GRIK2: variants seen among roughly 807,000 people sequenced by gnomAD.
GRIK2 encodes glutamate ionotropic receptor kainate type subunit 2.
In GRIK2, 32 loss-of-function variants were observed where a neutral mutation model predicts 100.3. The ratio of observed to expected loss-of-function variants is 0.32; its 90% CI spans 0.24 to 0.43. The LOEUF is 0.43. GRIK2 is among the 20% of genes least tolerant of loss of function. GRIK2 has a pLI of 1.00. For missense variants in GRIK2, 843 were observed against 1,114.9 expected, an observed-to-expected ratio of 0.76 and a Z score of 3.47; for synonymous variants, 417 against 389.4, an observed-to-expected ratio of 1.07 and a Z score of -0.83.
At chr6:101,516,084 G>A (rs1437516009) in intron 2 of GRIK2, among the ~76,000 whole-genome samples, 2 of 151,874 alleles carry the variant, frequency 1.3e-5, no homozygotes, top group African/African-American at 4.8e-5. Context: ...ATCTTGAGTT[G>A]AGATGATATA....
intron 2 of GRIK2, among the ~76,000 whole-genome samples, chr6:101,562,726 C>A (rs1419716376): frequency 2.6e-5 from 4 of 152,064 alleles, no homozygotes; most frequent in Non-Finnish European, 5.9e-5. Context: ...GAATGTTCTT[C>A]TGATGATTAA....
rs1777686912 is a variant in GRIK2 at position 101,761,761 on chromosome 6, GCCC to G, written c.952-37884_952-37882del. ...TTACCTAATCAGATTTTACAATAATGCCCCCATTTCCCTCCCTCCCTCCCTCCC... is the reference window on the plus strand; with the variant it reads ...TTACCTAATCAGATTTTACAATAATGCCATTTCCCTCCCTCCCTCCCTCCC... On this transcript the variant is annotated intron_variant, in intron 7 of 16. Transcript: ENST00000369134. Among the ~76,000 whole-genome samples, 3 of 136,194 alleles carry G rather than the reference GCCC, an allele frequency of 2.2e-5. No homozygotes were observed. The Admixed American group carries it at 2.2e-4, about 10-fold the overall frequency. The allele number at this position is 136,194 out of a possible 152,430, so 89.3% of individuals were successfully genotyped here. A position where few individuals can be genotyped will look rare whatever the true frequency, so the allele number is the denominator to read the frequency against.
chr6:101,912,910 ATTCT>A (rs398110484), intron 12 of GRIK2, among the ~76,000 whole-genome samples: 1 of 149,320 alleles, frequency 6.7e-6, no homozygotes, highest in Non-Finnish European at 1.5e-5. Context: ...TCATTTAAAA[ATTCT>A]TTATCTTTAT....
At chr6:101,773,263 G>A (rs2128398375) in intron 7 of GRIK2, among the ~76,000 whole-genome samples, 1 of 152,166 alleles carries the variant, frequency 6.6e-6, no homozygotes, top group South Asian at 2.1e-4. Flanking sequence ...GGCGGATCAC[G>A]AGGTGAGGAG....
At chr6:101,414,901 A>T (rs2128238836) in intron 2 of GRIK2, among the ~76,000 whole-genome samples, 1 of 151,958 alleles carries the variant, frequency 6.6e-6, no homozygotes, top group South Asian at 2.1e-4. Context: ...CAAGCATCTG[A>T]CTAAATATTT....
intron 11 of GRIK2, among the ~76,000 whole-genome samples, chr6:101,865,620 C>T (rs956441878): frequency 1.3e-5 from 2 of 152,192 alleles, no homozygotes; most frequent in African/African-American, 4.8e-5. Flanking sequence ...GGCGTCGTGA[C>T]TCACACCTGT....
At chr6:101,915,670 A>T (rs1364925870) in intron 12 of GRIK2, among the ~76,000 whole-genome samples, 1 of 151,432 alleles carries the variant, frequency 6.6e-6, no homozygotes, top group East Asian at 1.9e-4. Context: ...TTTCATATGG[A>T]TATTATAAAA....
At chr6:101,558,905 A>C (rs1454161266) in intron 2 of GRIK2, among the ~76,000 whole-genome samples, 1 of 151,968 alleles carries the variant, frequency 6.6e-6, no homozygotes, top group Non-Finnish European at 1.5e-5. Context: ...ACCTCAAACC[A>C]GATATGGTAA....
At chr6:101,553,859 T>A (rs565988675) in intron 2 of GRIK2, among the ~76,000 whole-genome samples, 2 of 152,338 alleles carry the variant, frequency 1.3e-5, no homozygotes, top group East Asian at 3.9e-4. Context: ...TGTACCTTTA[T>A]CCTTATCAGG....
intron 15 of GRIK2, among the ~76,000 whole-genome samples, chr6:102,046,544 T>C (rs1770898629): frequency 6.6e-6 from 1 of 152,094 alleles, no homozygotes; most frequent in Admixed American, 6.6e-5. Flanking sequence ...TGCTTCCCCT[T>C]AGTCTTCTTC....
At chr6:101,849,195 T>C (rs895981669) in intron 10 of GRIK2, among the ~76,000 whole-genome samples, 2 of 151,782 alleles carry the variant, frequency 1.3e-5, no homozygotes, top group Non-Finnish European at 2.9e-5. Flanking sequence ...TTTGGGAAAA[T>C]TCAAGTAAAG....
At chr6:101,923,925 CAAAAA>C (rs768844963) in intron 12 of GRIK2, among the ~76,000 whole-genome samples, 2 of 60,770 alleles carry the variant, frequency 3.3e-5, no homozygotes, top group African/African-American at 1.0e-4. Context: ...ATTCTGTCTC[CAAAAA>C]AAAAAAAAAA....
intron 2 of GRIK2, among the ~76,000 whole-genome samples, chr6:101,497,034 C>T (rs1773481889): frequency 6.6e-6 from 1 of 152,194 alleles, no homozygotes; most frequent in Non-Finnish European, 1.5e-5. Flanking sequence ...CTCTAATGTT[C>T]TGCTCACTCA....
intron 7 of GRIK2, among the ~76,000 whole-genome samples, chr6:101,769,367 T>C (rs1393068741): frequency 6.6e-6 from 1 of 152,172 alleles, no homozygotes; most frequent in Non-Finnish European, 1.5e-5. Flanking sequence ...CACTAAAGGA[T>C]ATACAATTGC....
At chr6:101,435,509 T>C (rs1002695761) in intron 2 of GRIK2, among the ~76,000 whole-genome samples, 1 of 152,020 alleles carries the variant, frequency 6.6e-6, no homozygotes, top group Admixed American at 6.6e-5. Flanking sequence ...TTTTTCATTG[T>C]GGTCCAGAAG....
intron 7 of GRIK2, among the ~76,000 whole-genome samples, chr6:101,688,236 A>C (rs1771849278): frequency 6.6e-6 from 1 of 151,378 alleles, no homozygotes; most frequent in African/African-American, 2.4e-5. Flanking sequence ...GTAAATCAGT[A>C]GATATCAGCA....
intron 7 of GRIK2, among the ~76,000 whole-genome samples, chr6:101,790,999 G>A (rs1014150337): frequency 6.6e-6 from 1 of 152,094 alleles, no homozygotes; most frequent in African/African-American, 2.4e-5. Context: ...TTGCATAGAG[G>A]TGTTTGTAGT....
intron 2 of GRIK2, among the ~76,000 whole-genome samples, chr6:101,445,283 T>C (rs1281528359): frequency 6.6e-6 from 1 of 152,112 alleles, no homozygotes; most frequent in East Asian, 1.9e-4. Flanking sequence ...TGATGGTGGT[T>C]GTCTCTATTA....
At chr6:101,459,458 G>A (rs1036477995) in intron 2 of GRIK2, among the ~76,000 whole-genome samples, 1 of 152,132 alleles carries the variant, frequency 6.6e-6, no homozygotes, top group Non-Finnish European at 1.5e-5. Context: ...CCCAGTCTTT[G>A]TTAGCATATT....
Sources: allele counts gnomAD v4.1 joint callset (sites outside exome capture counted in the v4.1 genomes callset), GRCh38; gene constraint gnomAD v4.1.1; transcripts MANE v1.5; gene names NCBI Gene and HGNC (gene_info 2026-07-23, HGNC 2026-07-21).